The following NT5C2 variants were observed in gnomAD, a reference collection of about 807,000 sequenced individuals.
The protein encoded by NT5C2 is 5'-nucleotidase, cytosolic II, also known as cytosolic purine 5'-nucleotidase.
Under a neutral mutation model 76.1 loss-of-function variants are expected in NT5C2, and 58 were observed. That is an observed-to-expected ratio of 0.76 (90% CI 0.62 to 0.95). NT5C2 has a LOEUF of 0.95. Ranked by LOEUF, NT5C2 falls within the 40% of genes least tolerant of loss-of-function variation. The probability of loss-of-function intolerance (pLI) is 0.00; values close to 1 mark genes in which losing one functional copy is unlikely to be tolerated. For missense variants in NT5C2, 478 were observed against 690.3 expected (o/e 0.69, Z 3.45); for synonymous variants, 229 against 237.4 (o/e 0.96, Z 0.32).
intron 3 of NT5C2, among the ~76,000 whole-genome samples, chr10:103,160,148 T>C (rs536375075): frequency 5.9e-5 from 9 of 152,272 alleles, no homozygotes; most frequent in Admixed American, 1.3e-4. Context: ...GTGAAAAGAA[T>C]AGTCTTTTCA....
intron 4 of NT5C2, among the ~76,000 whole-genome samples, chr10:103,130,106 A>C (rs962930487): frequency 2.0e-5 from 3 of 151,892 alleles, no homozygotes; most frequent in African/African-American, 7.3e-5. Context: ...GCTTTGTGGA[A>C]TAGAAAGGCA....
intron 4 of NT5C2, among the ~76,000 whole-genome samples, chr10:103,117,379 C>G (rs940558468): frequency 6.6e-6 from 1 of 152,216 alleles, no homozygotes; most frequent in Non-Finnish European, 1.5e-5. Flanking sequence ...GGCGTGATGG[C>G]TCACACTTAA....
At chr10:103,139,848 T>C (rs1311997925) in intron 3 of NT5C2, among the ~76,000 whole-genome samples, 2 of 152,196 alleles carry the variant, frequency 1.3e-5, no homozygotes, top group Admixed American at 6.5e-5. Context: ...TTAGATCTCT[T>C]AGACTTATTC....
chr10:103,187,524 C>T (rs2092178296), intron 1 of NT5C2, among the ~76,000 whole-genome samples: 1 of 148,960 alleles, frequency 6.7e-6, no homozygotes, highest in African/African-American at 2.5e-5. Context: ...TGCACTTCAG[C>T]CTGGGGGGCA....
intron 3 of NT5C2, among the ~76,000 whole-genome samples, chr10:103,157,754 T>C (rs1399105983): frequency 6.6e-6 from 1 of 152,044 alleles, no homozygotes; most frequent in African/African-American, 2.4e-5. Context: ...ACAACCACAA[T>C]GGAATGCAAG....
In NT5C2 at chr10:103,184,399, T is replaced by A. The variant is rs1354123593; in HGVS notation, c.-168-3071A>T. ...ATGCCAACAGTTAACAAACTCCAAC[T>A]AATAACATCACACTTACCCACACAC... On this transcript the variant is annotated intron_variant, in intron 1 of 18. Coordinates refer to ENST00000404739, the MANE Select transcript of NT5C2 (RefSeq NM_001351169.2). Among the ~76,000 whole-genome samples the A allele has an allele frequency of 5.9e-5, 9 of 152,188 alleles. No individual in the cohort carries two copies. The South Asian group carries it at 1.4e-3, about 24-fold the overall frequency.
At chr10:103,091,759 C>G in intron 15 of NT5C2, 144 bp from the exon 16 acceptor site, 1 of 660,150 alleles carries the variant, frequency 1.5e-6, no homozygotes, top group East Asian at 2.7e-5. Context: ...ACCTCCTCTT[C>G]CCCTCTTCAG....
rs543747412 is a variant in NT5C2, at chr10:103,094,636, T to C, written c.814-181A>G. ...CAGTGGCTCACACCTGTAATCCCAG[T>C]ACTTTGGGAGGCCGAGGCGGGCAGA... On this transcript the variant is annotated intron_variant, in intron 12 of 18. Coordinates refer to ENST00000404739, the MANE Select transcript of NT5C2 (RefSeq NM_001351169.2). 258 of 539,532 alleles carry C rather than the reference T, an allele frequency of 4.8e-4. 1 individual carries two copies. The highest frequency in any genetic ancestry group is 1.9e-3 in the South Asian group (86 of 45,302). The allele number at this position is 539,532 out of a possible 1,614,324, so 33.4% of individuals were successfully genotyped here. A position where few individuals can be genotyped will look rare whatever the true frequency, so the allele number is the denominator to read the frequency against.
At chr10:103,188,323 A>C (rs1249986101) in intron 1 of NT5C2, among the ~76,000 whole-genome samples, 3 of 152,140 alleles carry the variant, frequency 2.0e-5, no homozygotes, top group Non-Finnish European at 4.4e-5. Context: ...ACGCCATTGC[A>C]CTCCAGCCCA....
chr10:103,168,013 T>G (rs185443086), intron 3 of NT5C2, among the ~76,000 whole-genome samples: 121 of 151,986 alleles, frequency 8.0e-4, no homozygotes, highest in African/African-American at 2.6e-3. Flanking sequence ...TCCTTAAACA[T>G]GTACAAGAAA....
chr10:103,187,587 T>A (rs1247423334), intron 1 of NT5C2, among the ~76,000 whole-genome samples: 4 of 151,394 alleles, frequency 2.6e-5, no homozygotes, highest in African/African-American at 9.7e-5. Flanking sequence ...TAATGTTTAC[T>A]CTCCAAGCCA....
chr10:103,173,577 A>G (rs1591753879), intron 3 of NT5C2, among the ~76,000 whole-genome samples: 2 of 135,658 alleles, frequency 1.5e-5, no homozygotes, highest in Admixed American at 8.3e-5. Context: ...GTGCTACTGC[A>G]CTCCAGCCTG....
chr10:103,164,570 T>C (rs2085887401), intron 3 of NT5C2, among the ~76,000 whole-genome samples: 2 of 152,178 alleles, frequency 1.3e-5, no homozygotes. Flanking sequence ...ACAATGTTTT[T>C]AGTATTAAAA....
chr10:103,113,126 GATATC>G (rs1288383182), intron 4 of NT5C2, among the ~76,000 whole-genome samples: 3 of 152,014 alleles, frequency 2.0e-5, no homozygotes, highest in Admixed American at 6.6e-5. Flanking sequence ...AAAACAGCTA[GATATC>G]ATAGCAATAC....
chr10:103,094,430 T>A lies in NT5C2; in HGVS notation c.839A>T (p.Gln280Leu). 1 of 1,613,472 alleles carries A rather than the reference T, an allele frequency of 6.2e-7. No individual in the cohort carries two copies. The highest frequency in any genetic ancestry group is 8.5e-7 in the Non-Finnish European group (1 of 1,179,550). ...PKPGSSHRPW[Q>L]SYFDLILVDA... ...CACCAAGATCAAGTCAAAGTAGGACTGCCATGGTCGATGGGAGCTCCCAGG... is the reference window on the plus strand; with the variant it reads ...CACCAAGATCAAGTCAAAGTAGGACAGCCATGGTCGATGGGAGCTCCCAGG... The change falls in exon 13 of 19, where the codon CAG (glutamine) becomes CTG (leucine). Residue 280 changes from glutamine to leucine, a missense_variant. By Grantham distance (113) the Gln-to-Leu change is moderately radical (BLOSUM62 -2). Coordinates refer to ENST00000404739, the MANE Select transcript of NT5C2 (RefSeq NM_001351169.2).
chr10:103,150,595 A>C (rs902843158), intron 3 of NT5C2, among the ~76,000 whole-genome samples: 1 of 152,208 alleles, frequency 6.6e-6, no homozygotes, highest in Non-Finnish European at 1.5e-5. Flanking sequence ...GACATTGCCA[A>C]AACTCTTTTC....
intron 4 of NT5C2, among the ~76,000 whole-genome samples, chr10:103,115,950 A>C (rs925265609): frequency 1.3e-5 from 2 of 152,152 alleles, no homozygotes; most frequent in African/African-American, 4.8e-5. Flanking sequence ...ATTATTTCCT[A>C]ACATGGAGGG....
chr10:103,091,072 T>G, intron 16 of NT5C2, 76 bp from the exon 17 acceptor site: 1 of 1,341,732 alleles, frequency 7.5e-7, no homozygotes, highest in South Asian at 1.2e-5. Flanking sequence ...TCTCATTCTG[T>G]CACTCAGGCT....
At position 103,093,261 on chromosome 10, in the gene NT5C2, A is replaced by C; in HGVS notation, c.1037T>G (p.Ile346Ser). Residue 346 changes from isoleucine (I) to serine (S), a missense_variant, in exon 15 of 19, where the codon ATT (isoleucine) becomes AGT (serine). By Grantham distance (142) the Ile-to-Ser change is moderately radical. Transcript: ENST00000404739. ...AAAAATGTGATCTCCAATATACAAA[A>C]TGTCTTTTCCCTTGGCTCCCAACAG... ...CDLLGAKGKD[I>S]LYIGDHIFGD... 6.2e-7 allele frequency: 1 copy of C among 1,609,938 alleles called. No homozygotes were observed. The highest frequency in any genetic ancestry group is 8.5e-7 in the Non-Finnish European group (1 of 1,178,158).
Sources: allele counts gnomAD v4.1 joint callset (sites outside exome capture counted in the v4.1 genomes callset), GRCh38; gene constraint gnomAD v4.1.1; transcripts MANE v1.5; gene names NCBI Gene and HGNC (gene_info 2026-07-23, HGNC 2026-07-21).